Variants in ABCC5 observed in about 807,000 individuals in gnomAD.
ABCC5 encodes the protein ATP-binding cassette sub-family C member 5.
A neutral mutation model predicts 160.9 loss-of-function variants in ABCC5; 61 were observed. The observed-to-expected ratio is 0.38, with a 90% CI of 0.31 to 0.47. The LOEUF is 0.47. ABCC5 is among the 20% of genes least tolerant of loss of function. ABCC5 has a pLI of 0.99. For missense variants in ABCC5, 1,308 were observed against 1,813.3 expected (o/e 0.72, Z 5.06); for synonymous variants, 666 against 700.6 (o/e 0.95, Z 0.78).
At chr3:183,984,418 T>C in intron 5 of ABCC5, 1 of 1,001,872 alleles carries the variant, frequency 1.0e-6, no homozygotes, top group Non-Finnish European at 1.2e-6. Flanking sequence ...CAGCTGTAAG[T>C]CAGAGCTGAA....
rs749305065 is a variant in ABCC5 at position 183,984,792 on chromosome 3, CA to C, written c.592-1786del. The C allele has an allele frequency of 1.9e-6, 3 of 1,566,132 alleles. No homozygotes were observed. The Admixed American group carries it at 5.5e-5, about 28-fold the overall frequency. On this transcript the variant is annotated intron_variant, in intron 5 of 29. Transcript: ENST00000334444. ...AAAATGTGGAACTGAGTCACAGGGC[CA>C]AAGCCCCCTTTTCCTCACGTGAAGC...
intron 17 of ABCC5, among the ~76,000 whole-genome samples, chr3:183,953,626 C>A (rs990253990): frequency 6.6e-6 from 1 of 152,106 alleles, no homozygotes; most frequent in Non-Finnish European, 1.5e-5. Context: ...GCATGGGAAC[C>A]CCTGGGAGGC....
At chr3:183,943,180 G>C (rs1317977731) in intron 24 of ABCC5, among the ~76,000 whole-genome samples, 3 of 152,180 alleles carry the variant, frequency 2.0e-5, no homozygotes, top group African/African-American at 7.2e-5. Flanking sequence ...TTTGTCTCAA[G>C]GAACTATTCC....
chr3:183,920,486 T>C lies in ABCC5; in HGVS notation c.*814A>G, dbSNP rs1377462032. ...CTCTGTGGATAGACTGATTCTTGTTTAGAAACAACAGCAAAAAGAAGAAGG... is the reference window on the plus strand; with the variant it reads ...CTCTGTGGATAGACTGATTCTTGTTCAGAAACAACAGCAAAAAGAAGAAGG... On this transcript the variant is annotated 3_prime_UTR_variant, in exon 30 of 30. Transcript: ENST00000334444. The surrounding 1 kb of genome is among the most constrained non-coding windows in gnomAD (Gnocchi z 4.1). 1.3e-5 allele frequency: 2 copies of C among 152,588 alleles called. No homozygotes were observed. Among genetic ancestry groups the C allele is most frequent in the African/African-American group, 2.4e-5 (1 of 41,412 alleles). 9.5% of individuals were successfully genotyped at this position (152,588 alleles called of 1,614,324 possible). A position where few individuals can be genotyped will look rare whatever the true frequency, so the allele number is the denominator to read the frequency against.
chr3:183,988,869 A>C lies in ABCC5; in HGVS notation c.288-142T>G. ...GATCTAATCTTAGCCTGAATGTTCTAAAACGGCTTTGATGGGCCGGGCGCG... is the reference window on the plus strand; with the variant it reads ...GATCTAATCTTAGCCTGAATGTTCTCAAACGGCTTTGATGGGCCGGGCGCG... On this transcript the variant is annotated intron_variant, in intron 3 of 29. Coordinates refer to ENST00000334444, the MANE Select transcript of ABCC5 (RefSeq NM_005688.4). This position sits in a 1 kb window ranked among gnomAD's most constrained non-coding sequence, Gnocchi z 4.4. 2 of 1,094,434 alleles carry C rather than the reference A, an allele frequency of 1.8e-6. No homozygotes were observed. The highest frequency in any genetic ancestry group is 2.3e-4 in the Middle Eastern group (1 of 4,408). 67.8% of individuals were successfully genotyped at this position (1,094,434 alleles called of 1,614,324 possible).
chr3:183,984,482 T>G, intron 5 of ABCC5: 1 of 1,056,028 alleles, frequency 9.5e-7, no homozygotes, highest in Non-Finnish European at 1.1e-6. Flanking sequence ...CTACGCTGAA[T>G]TCCAAAACCC....
chr3:183,928,111 T>TG (rs1712777150), intron 27 of ABCC5, among the ~76,000 whole-genome samples: 1 of 128,992 alleles, frequency 7.8e-6, no homozygotes, highest in African/African-American at 3.1e-5. Context: ...ATGTTATGTA[T>TG]CTTTTTTTTT....
At chr3:183,927,933 C>T (rs1712751172) in intron 27 of ABCC5, 1 of 576,908 alleles carries the variant, frequency 1.7e-6, no homozygotes, top group South Asian at 7.6e-5. Flanking sequence ...GGCAGGGGAT[C>T]CTGGATCCTG....
intron 10 of ABCC5, 116 bp downstream of exon 10, chr3:183,977,401 G>T: frequency 1.6e-6 from 1 of 638,236 alleles, no homozygotes; most frequent in Non-Finnish European, 2.7e-6. Flanking sequence ...CTTGCCAAAA[G>T]GCCAAAGCCA....
chr3:183,924,723 G>C (rs2108755186), intron 29 of ABCC5, among the ~76,000 whole-genome samples: 1 of 152,300 alleles, frequency 6.6e-6, no homozygotes, highest in Middle Eastern at 3.4e-3. Flanking sequence ...AGAGCGTTCA[G>C]GGAGTTCTCT....
chr3:184,003,874 T>C (rs1160410882), intron 2 of ABCC5, among the ~76,000 whole-genome samples: 4 of 152,140 alleles, frequency 2.6e-5, no homozygotes, highest in Non-Finnish European at 2.9e-5. Flanking sequence ...AGGATTAAAC[T>C]GAAAATGAAT....
chr3:183,925,798 A>G (rs1712482292), intron 28 of ABCC5, 79 bp from the exon 29 acceptor site: 6 of 1,341,382 alleles, frequency 4.5e-6, no homozygotes, highest in South Asian at 1.4e-5. Flanking sequence ...ACTAAAATGT[A>G]TTTCATTTAA....
At chr3:184,011,056 A>AT (rs34375406) in intron 2 of ABCC5, among the ~76,000 whole-genome samples, 8,165 of 152,016 alleles carry the variant, frequency 0.054, 267 homozygotes, top group Middle Eastern at 0.078. Flanking sequence ...CTCATTCTTA[A>AT]TATCTCCCCA....
chr3:183,949,400 T>C lies in ABCC5; in HGVS notation c.3227+353A>G, dbSNP rs985090221. On this transcript the variant is annotated intron_variant, in intron 22 of 29. Coordinates refer to ENST00000334444, the MANE Select transcript of ABCC5 (RefSeq NM_005688.4). This position sits in a 1 kb window ranked among gnomAD's most constrained non-coding sequence, Gnocchi z 4.2. Reference sequence around the variant, plus strand: ...GGCCAAGGCCAATAGACTCCTAATCTGTGGGGTTTGTTCCTTGTATTTTGT... The same window carrying C: ...GGCCAAGGCCAATAGACTCCTAATCCGTGGGGTTTGTTCCTTGTATTTTGT... 2.6e-5 allele frequency among the ~76,000 whole-genome samples: 4 copies of C among 152,230 alleles called. No homozygotes were observed. Among genetic ancestry groups the C allele is most frequent in the African/African-American group, 9.6e-5 (4 of 41,468 alleles).
chr3:183,926,937 C>T (rs1473427489), intron 28 of ABCC5, among the ~76,000 whole-genome samples: 6 of 151,718 alleles, frequency 4.0e-5, no homozygotes, highest in African/African-American at 9.7e-5. Context: ...CCCAGCTACT[C>T]GGGAGGCTGA....
intron 2 of ABCC5, among the ~76,000 whole-genome samples, chr3:184,013,911 C>T (rs980277818): frequency 2.0e-5 from 3 of 151,694 alleles, no homozygotes; most frequent in South Asian, 2.1e-4. Context: ...CTCGCTCTAT[C>T]GCCCAGGCTG....
chr3:183,932,682 G>A (rs776073998), intron 26 of ABCC5, among the ~76,000 whole-genome samples: 7 of 152,160 alleles, frequency 4.6e-5, no homozygotes, highest in Non-Finnish European at 7.3e-5. Flanking sequence ...CAGGAATAAT[G>A]GCCAAGGGCG....
chr3:183,960,034 G>A (rs1465593554), intron 16 of ABCC5, among the ~76,000 whole-genome samples, 199 bp from the exon 17 acceptor site: 2 of 152,120 alleles, frequency 1.3e-5, no homozygotes, highest in Admixed American at 6.6e-5. Flanking sequence ...TTAGTCCACT[G>A]ACATTTGCTC....
At chr3:184,014,169 G>T in intron 2 of ABCC5, 95 bp downstream of exon 2, 1 of 1,267,216 alleles carries the variant, frequency 7.9e-7, no homozygotes, top group Non-Finnish European at 1.1e-6. Flanking sequence ...CACCGCGCCC[G>T]GCCAAAAAAT....
Sources: gnomAD v4.1 joint callset for allele counts (sites outside exome capture counted in the v4.1 genomes callset) on GRCh38, gnomAD v4.1.1 for gene constraint, Gnocchi (gnomAD v3.1) non-coding constraint, MANE v1.5 for transcripts, NCBI Gene and HGNC (gene_info 2026-07-23, HGNC 2026-07-21) for gene names.